KLHL1: variants seen among roughly 807,000 people sequenced by gnomAD.
The protein encoded by KLHL1 is kelch-like protein 1.
In KLHL1, 47 loss-of-function variants were observed where a neutral mutation model predicts 77.7. The ratio of observed to expected loss-of-function variants is 0.60; its 90% CI spans 0.48 to 0.77. The LOEUF is 0.77. Ranked by LOEUF, KLHL1 falls within the 30% of genes least tolerant of loss-of-function variation. The pLI is 0.00. For missense variants in KLHL1, 925 were observed against 910.8 expected (o/e 1.02, Z -0.20); for synonymous variants, 360 against 325.2 (o/e 1.11, Z -1.15).
At chr13:69,725,685 A>T (rs1475408371) in intron 8 of KLHL1, among the ~76,000 whole-genome samples, 2 of 152,192 alleles carry the variant, frequency 1.3e-5, no homozygotes, top group African/African-American at 4.8e-5. Context: ...TGCAATAGAC[A>T]TCATCATTTA....
chr13:69,979,200 C>T (rs2137296811), intron 1 of KLHL1, among the ~76,000 whole-genome samples: 1 of 151,542 alleles, frequency 6.6e-6, no homozygotes, highest in South Asian at 2.1e-4. Flanking sequence ...CAGTTCTCTC[C>T]TAGATTTTTT....
intron 2 of KLHL1, among the ~76,000 whole-genome samples, chr13:69,975,050 C>T (rs780321544): frequency 5.9e-5 from 9 of 151,944 alleles, no homozygotes; most frequent in Non-Finnish European, 1.2e-4. Flanking sequence ...GGTAGAAATA[C>T]AGCCATGTTT....
At chr13:69,933,382 C>T (rs1883068832) in intron 4 of KLHL1, among the ~76,000 whole-genome samples, 1 of 152,022 alleles carries the variant, frequency 6.6e-6, no homozygotes, top group Admixed American at 6.6e-5. Context: ...AAGTTACACT[C>T]CAAATATTCT....
At chr13:69,946,093 G>T (rs1447232550) in intron 3 of KLHL1, among the ~76,000 whole-genome samples, 1 of 152,110 alleles carries the variant, frequency 6.6e-6, no homozygotes, top group Non-Finnish European at 1.5e-5. Flanking sequence ...AATAAACACA[G>T]ACTCTATGAT....
At chr13:69,913,322 G>A (rs1468548171) in intron 4 of KLHL1, among the ~76,000 whole-genome samples, 3 of 152,066 alleles carry the variant, frequency 2.0e-5, no homozygotes, top group African/African-American at 7.2e-5. Flanking sequence ...AAGCCCCTTG[G>A]AGACCACCTT....
intron 3 of KLHL1, among the ~76,000 whole-genome samples, chr13:69,956,152 ATATATTTGATATATATATTTAT>A (rs1274082171): frequency 0.01 from 1,459 of 142,330 alleles, 24 homozygotes; most frequent in African/African-American, 0.034. Flanking sequence ...ATATATTTAT[ATATATTTGATATATATATTTAT>A]TATATATCTG....
At chr13:69,867,161 G>A (rs1026951652) in intron 5 of KLHL1, among the ~76,000 whole-genome samples, 1 of 151,912 alleles carries the variant, frequency 6.6e-6, no homozygotes, top group Non-Finnish European at 1.5e-5. Flanking sequence ...AACAATTAAA[G>A]GTGTCCTTAA....
chr13:69,933,498 T>C (rs1883071330), intron 4 of KLHL1, among the ~76,000 whole-genome samples: 1 of 152,168 alleles, frequency 6.6e-6, no homozygotes, highest in Admixed American at 6.5e-5. Context: ...TTTAAAACCA[T>C]GATCACAAAC....
At chr13:70,005,778 A>G (rs1885391671) in intron 1 of KLHL1, among the ~76,000 whole-genome samples, 2 of 152,026 alleles carry the variant, frequency 1.3e-5, no homozygotes, top group Admixed American at 6.6e-5. Context: ...TTTTATTTGT[A>G]CCAAAATATA....
At chr13:69,704,553 C>T (rs539310026) in intron 10 of KLHL1, among the ~76,000 whole-genome samples, 2 of 151,848 alleles carry the variant, frequency 1.3e-5, no homozygotes, top group South Asian at 2.1e-4. Flanking sequence ...TGTCAGGCCT[C>T]ATTCCACATA....
At chr13:69,845,767 A>T (rs1445050394) in intron 5 of KLHL1, among the ~76,000 whole-genome samples, 1 of 151,532 alleles carries the variant, frequency 6.6e-6, no homozygotes, top group East Asian at 1.9e-4. Context: ...TCTTGAAATC[A>T]TGTGGAGCAT....
chr13:70,009,230 A>G (rs1885474942), intron 1 of KLHL1, among the ~76,000 whole-genome samples: 1 of 152,088 alleles, frequency 6.6e-6, no homozygotes, highest in African/African-American at 2.4e-5. Flanking sequence ...TTGAACGAAG[A>G]CTACACACTG....
At chr13:70,037,562 A>G (rs1430728561) in intron 1 of KLHL1, among the ~76,000 whole-genome samples, 2 of 152,010 alleles carry the variant, frequency 1.3e-5, no homozygotes, top group Admixed American at 6.6e-5. Flanking sequence ...CTTTATTTCT[A>G]AATAACTTTT....
At position 69,700,645 on chromosome 13, in the gene KLHL1, CTATT is replaced by C. The variant is rs1402767916; in HGVS notation, c.*1053_*1056del. The C allele has an allele frequency of 1.3e-5, 2 of 152,150 alleles. No individual in the cohort carries two copies. Among genetic ancestry groups the C allele is most frequent in the Admixed American group, 6.6e-5 (1 of 15,218 alleles). The allele number at this position is 152,150 out of a possible 1,614,324, so 9.4% of individuals were successfully genotyped here. A position where few individuals can be genotyped will look rare whatever the true frequency, so the allele number is the denominator to read the frequency against. On this transcript the variant is annotated 3_prime_UTR_variant, in exon 11 of 11. Transcript: ENST00000377844. The stretch of plus-strand genomic sequence containing the variant: ...AATTGTAATTAAAATTTACATGGGC[CTATT>C]TATTAAGGACATTGTGTAATGTTTC...
At chr13:69,870,918 G>C (rs1880557260) in intron 5 of KLHL1, among the ~76,000 whole-genome samples, 1 of 152,086 alleles carries the variant, frequency 6.6e-6, no homozygotes, top group African/African-American at 2.4e-5. Flanking sequence ...GATTGAAACT[G>C]ACTGCTTGCA....
chr13:69,896,298 C>T (rs1353090309), intron 4 of KLHL1, among the ~76,000 whole-genome samples: 1 of 152,182 alleles, frequency 6.6e-6, no homozygotes, highest in Admixed American at 6.5e-5. Context: ...TCTGCTTTTG[C>T]AGACTCATGC....
At position 70,037,868 on chromosome 13, in the gene KLHL1, A is replaced by C. The variant is rs182434958; in HGVS notation, c.498-62066T>G. On this transcript the variant is annotated intron_variant, in intron 1 of 10. Coordinates refer to ENST00000377844, the MANE Select transcript of KLHL1 (RefSeq NM_020866.3). ...CAATATGTGTAGTATTTTTTGACAG[A>C]CTCATATTTCTTCATTATATGTATA... is the stretch of plus-strand genomic sequence containing the variant. Among the ~76,000 whole-genome samples, 68 of 152,072 alleles carry C rather than the reference A, an allele frequency of 4.5e-4. No homozygotes were observed. In the East Asian group the frequency reaches 0.011, roughly 25 times the overall value.
intron 4 of KLHL1, among the ~76,000 whole-genome samples, chr13:69,886,830 C>T (rs1333012852): frequency 6.6e-6 from 1 of 152,134 alleles, no homozygotes; most frequent in Admixed American, 6.6e-5. Context: ...TAGTCAATTA[C>T]AGTAAACTCC....
At chr13:70,050,009 T>C in intron 1 of KLHL1, among the ~76,000 whole-genome samples, 1 of 152,076 alleles carries the variant, frequency 6.6e-6, no homozygotes, top group South Asian at 2.1e-4. Context: ...AAAAAATTAA[T>C]AATGTAAAAT....
Sources: gnomAD v4.1 joint callset for allele counts (sites outside exome capture counted in the v4.1 genomes callset) on GRCh38, gnomAD v4.1.1 for gene constraint, MANE v1.5 for transcripts, NCBI Gene and HGNC (gene_info 2026-07-23, HGNC 2026-07-21) for gene names.